Variants in TFPI observed in about 807,000 individuals in gnomAD.
TFPI encodes anti-convertin.
Under a neutral mutation model 34.6 loss-of-function variants are expected in TFPI, and 15 were observed. The ratio of observed to expected loss-of-function variants is 0.43; its 90% CI spans 0.29 to 0.67. The LOEUF (loss-of-function observed/expected upper bound fraction) is 0.67, where lower values mean the gene tolerates loss of function less well. TFPI is among the 30% of genes least tolerant of loss of function. The pLI is 0.15. For synonymous variants in TFPI, 105 were observed against 120.1 expected (o/e 0.87, Z 0.82); for missense variants, 301 against 364.0 (o/e 0.83, Z 1.41).
chr2:187,488,351 G>T lies in TFPI; in HGVS notation c.344C>A (p.Thr115Lys). Residue 115 changes from threonine to lysine, a missense_variant, in exon 4 of 8, where the codon ACA (threonine) becomes AAA (lysine). Coordinates refer to ENST00000233156, the MANE Select transcript of TFPI (RefSeq NM_006287.6). Reference protein sequence around the residue: ...TRDNANRIIKTTLQQEKPDFC... With the variant: ...TRDNANRIIKKTLQQEKPDFC... ...TAAATGTTCACCTTGTTGCAATGTTGTCTTTATAATCCTGTTTGCATTATC... is the reference window on the plus strand; with the variant it reads ...TAAATGTTCACCTTGTTGCAATGTTTTCTTTATAATCCTGTTTGCATTATC... 1 of 1,567,554 alleles carries T rather than the reference G, an allele frequency of 6.4e-7. No individual in the cohort carries two copies. The highest frequency in any genetic ancestry group is 8.6e-7 in the Non-Finnish European group (1 of 1,162,222).
At chr2:187,522,874 G>C (rs188104202) in intron 1 of TFPI, among the ~76,000 whole-genome samples, 157 of 149,062 alleles carry the variant, frequency 1.1e-3, no homozygotes, top group African/African-American at 3.6e-3. Flanking sequence ...CTGGGTGACA[G>C]AGCGAGACTG....
At chr2:187,471,061 A>C (rs8176576) in intron 6 of TFPI, among the ~76,000 whole-genome samples, 2,042 of 152,356 alleles carry the variant, frequency 0.013, 52 homozygotes, top group African/African-American at 0.046. Flanking sequence ...TAAAATGTGA[A>C]GTTAATCACT....
At chr2:187,548,023 C>A (rs1367096999) in intron 1 of TFPI, among the ~76,000 whole-genome samples, 2 of 151,876 alleles carry the variant, frequency 1.3e-5, no homozygotes, top group Non-Finnish European at 2.9e-5. Context: ...CTTTTCATAT[C>A]TTTCAAAGGA....
chr2:187,493,096 G>T (rs1215939944), intron 3 of TFPI, among the ~76,000 whole-genome samples: 3 of 152,144 alleles, frequency 2.0e-5, no homozygotes, highest in Non-Finnish European at 2.9e-5. Context: ...CTCTAGCAGA[G>T]GTTCTCCATG....
intron 2 of TFPI, 35 bp from the exon 3 acceptor site, chr2:187,497,113 C>T: frequency 1.3e-6 from 2 of 1,550,628 alleles, no homozygotes; most frequent in Non-Finnish European, 1.8e-6. Context: ...AACATGTAAT[C>T]TCCATCAACA....
At chr2:187,541,365 A>G (rs1002332062) in intron 1 of TFPI, among the ~76,000 whole-genome samples, 1 of 152,218 alleles carries the variant, frequency 6.6e-6, no homozygotes, top group Admixed American at 6.5e-5. Context: ...GGCCACCTAC[A>G]GTGAGCATCT....
intron 1 of TFPI, among the ~76,000 whole-genome samples, chr2:187,551,257 C>T (rs1689086399): frequency 6.6e-6 from 1 of 152,116 alleles, no homozygotes; most frequent in African/African-American, 2.4e-5. Flanking sequence ...AGTTGTACTG[C>T]AGCATTGGAA....
intron 1 of TFPI, chr2:187,514,730 C>A (rs989198575): frequency 1.3e-5 from 2 of 152,168 alleles, no homozygotes; most frequent in African/African-American, 4.8e-5. Flanking sequence ...TTTCATCAAC[C>A]AGAGGGAGGA....
chr2:187,501,204 A>G (rs1685827146), intron 2 of TFPI, among the ~76,000 whole-genome samples: 1 of 152,150 alleles, frequency 6.6e-6, no homozygotes, highest in Non-Finnish European at 1.5e-5. Context: ...CCAGTCATAT[A>G]AATAGAATTA....
At chr2:187,536,659 C>T (rs1018911411) in intron 1 of TFPI, among the ~76,000 whole-genome samples, 5 of 152,162 alleles carry the variant, frequency 3.3e-5, no homozygotes, top group African/African-American at 7.2e-5. Flanking sequence ...GACACATTCC[C>T]TTTGAAAACT....
At chr2:187,528,112 A>T (rs1377090549) in intron 1 of TFPI, among the ~76,000 whole-genome samples, 1 of 152,238 alleles carries the variant, frequency 6.6e-6, no homozygotes, top group East Asian at 1.9e-4. Context: ...TCTAAATTTC[A>T]TTTATATTTA....
intron 2 of TFPI, among the ~76,000 whole-genome samples, chr2:187,499,335 A>G (rs1685697340): frequency 6.6e-6 from 1 of 152,106 alleles, no homozygotes; most frequent in Non-Finnish European, 1.5e-5. Flanking sequence ...ATTGCTAAAA[A>G]TACTTTCTAA....
intron 6 of TFPI, among the ~76,000 whole-genome samples, chr2:187,479,128 A>C (rs992076221): frequency 8.5e-5 from 13 of 152,212 alleles, no homozygotes; most frequent in Admixed American, 7.9e-4. Context: ...TTAGAATAAG[A>C]GTGAGTAATT....
At chr2:187,544,817 A>C (rs1688770292) in intron 1 of TFPI, among the ~76,000 whole-genome samples, 1 of 152,180 alleles carries the variant, frequency 6.6e-6, no homozygotes, top group African/African-American at 2.4e-5. Flanking sequence ...GATAAGAAAA[A>C]ATAATTGTTT....
At chr2:187,487,363 CTT>C (rs1390015331) in intron 4 of TFPI, among the ~76,000 whole-genome samples, 1 of 151,314 alleles carries the variant, frequency 6.6e-6, no homozygotes, top group Non-Finnish European at 1.5e-5. Flanking sequence ...CTTGTACAAA[CTT>C]TGCTATTATC....
At chr2:187,538,859 A>G (rs1321568086) in intron 1 of TFPI, among the ~76,000 whole-genome samples, 2 of 152,170 alleles carry the variant, frequency 1.3e-5, no homozygotes, top group South Asian at 2.1e-4. Flanking sequence ...TATTTTTGCA[A>G]TTGTAAGTAT....
At chr2:187,485,923 T>G (rs1210942716) in intron 4 of TFPI, among the ~76,000 whole-genome samples, 1 of 151,720 alleles carries the variant, frequency 6.6e-6, no homozygotes, top group Non-Finnish European at 1.5e-5. Context: ...TAAAGCAACT[T>G]GTTCTTCTAT....
intron 1 of TFPI, among the ~76,000 whole-genome samples, chr2:187,512,471 A>G (rs575493894): frequency 6.6e-6 from 1 of 152,104 alleles, no homozygotes; most frequent in East Asian, 1.9e-4. Flanking sequence ...ACCTAAGAGG[A>G]ACTCCCTTCA....
intron 1 of TFPI, among the ~76,000 whole-genome samples, chr2:187,530,198 G>T (rs1478572710): frequency 1.3e-5 from 2 of 152,124 alleles, no homozygotes; most frequent in African/African-American, 2.4e-5. Context: ...AGAAGGCACT[G>T]CCCTGGAGGT....
Sources: allele counts gnomAD v4.1 joint callset (sites outside exome capture counted in the v4.1 genomes callset), GRCh38; gene constraint gnomAD v4.1.1; transcripts MANE v1.5; gene names NCBI Gene and HGNC (gene_info 2026-07-23, HGNC 2026-07-21).